Variants in CALD1 observed in about 807,000 individuals in gnomAD.
The protein encoded by CALD1 is caldesmon 1, also known as caldesmon.
Under a neutral mutation model 99.9 loss-of-function variants are expected in CALD1, and 33 were observed. The ratio of observed to expected loss-of-function variants is 0.33; its 90% confidence interval spans 0.25 to 0.44. The LOEUF is 0.44. Ranked by LOEUF, CALD1 falls within the 20% of genes least tolerant of loss-of-function variation. CALD1 has a pLI of 1.00. For synonymous variants in CALD1, 310 were observed against 325.0 expected, an observed-to-expected ratio of 0.95 and a Z score of 0.50; for missense variants, 861 against 962.1, an observed-to-expected ratio of 0.89 and a Z score of 1.39.
intron 13 of CALD1, among the ~76,000 whole-genome samples, chr7:134,964,270 G>A (rs990579479): frequency 2.0e-5 from 3 of 152,210 alleles, no homozygotes; most frequent in Admixed American, 6.5e-5. Flanking sequence ...TGATTCCAGA[G>A]CAAGTTGTTT....
the CALD1 span, among the ~76,000 whole-genome samples, chr7:134,732,976 A>T: frequency 6.6e-6 from 1 of 152,194 alleles, no homozygotes; most frequent in Admixed American, 6.5e-5. Context: ...ATCTCCTAGC[A>T]TTCTGGAACT....
chr7:134,933,696 A>G lies in CALD1; in HGVS notation c.927A>G (p.Arg309=), dbSNP rs776165758. 6.3e-7 allele frequency: 1 copy of G among 1,578,464 alleles called. No homozygotes were observed. The highest frequency in any genetic ancestry group is 1.2e-5 in the South Asian group (1 of 86,698). The change falls in exon 5 of 15, where the codon AGA becomes AGG. Residue 309 remains arginine, a synonymous_variant. Transcript: ENST00000361675. The part of the protein sequence containing the change: ...EKAAAQERER[R]EAEERERMRE... ...CAGCTGCCCAAGAAAGAGAAAGGAG[A>G]GAGGCAGAAGAGAGGGAAAGGATGA...
intron 3 of CALD1, among the ~76,000 whole-genome samples, chr7:134,912,371 A>T (rs931466867): frequency 2.6e-5 from 4 of 152,132 alleles, no homozygotes; most frequent in African/African-American, 9.7e-5. Flanking sequence ...AACTTCATGA[A>T]ATAGACCTGT....
chr7:134,774,750 C>T (rs1047458119), upstream of CALD1, among the ~76,000 whole-genome samples: 3 of 152,214 alleles, frequency 2.0e-5, no homozygotes, highest in Admixed American at 2.0e-4. Context: ...TTCAGTTTCT[C>T]AGCTCTGTTG....
At chr7:134,893,254 T>G (rs1802333165) in intron 3 of CALD1, among the ~76,000 whole-genome samples, 1 of 152,186 alleles carries the variant, frequency 6.6e-6, no homozygotes, top group Non-Finnish European at 1.5e-5. Context: ...CCTCGGCCTC[T>G]GTCTCTCTCC....
Position 134,833,852 on chromosome 7 carries a change from G to T in CALD1, c.-129-10032G>T, listed in dbSNP as rs377452297. ...AACTGGAAATAGAATCCCAAGCGGG[G>T]CCTAACTTTTTGTCTCATGAGATAG... is the stretch of plus-strand genomic sequence containing the variant. On this transcript the variant is annotated intron_variant, in intron 1 of 14. Transcript: ENST00000361675. Among the ~76,000 whole-genome samples, 12 of 152,128 alleles carry T rather than the reference G, an allele frequency of 7.9e-5. No individual in the cohort carries two copies. In the East Asian group the frequency reaches 1.5e-3, roughly 20 times the overall value.
At chr7:134,750,024 G>C (rs922253268) in intron 1 of CALD1, among the ~76,000 whole-genome samples, 2 of 152,240 alleles carry the variant, frequency 1.3e-5, no homozygotes, top group Non-Finnish European at 2.9e-5. Context: ...CTCTGAACTT[G>C]AAAGAGTGGC....
chr7:134,919,497 T>G (rs1804456211), intron 3 of CALD1, among the ~76,000 whole-genome samples: 1 of 152,188 alleles, frequency 6.6e-6, no homozygotes, highest in South Asian at 2.1e-4. Flanking sequence ...AAGCAAATGT[T>G]GGGCTGGTGG....
At chr7:134,888,646 C>G (rs1393376465) in intron 3 of CALD1, among the ~76,000 whole-genome samples, 5 of 152,234 alleles carry the variant, frequency 3.3e-5, no homozygotes, top group Middle Eastern at 3.4e-3. Context: ...CTTCCTCTTC[C>G]CAGAGAGTGT....
At chr7:134,829,301 T>C (rs1340741219) in intron 1 of CALD1, among the ~76,000 whole-genome samples, 5 of 152,244 alleles carry the variant, frequency 3.3e-5, no homozygotes, top group African/African-American at 1.2e-4. Context: ...CTATGTCTAA[T>C]GCAACAAATT....
intron 1 of CALD1, among the ~76,000 whole-genome samples, chr7:134,804,413 A>C (rs1472057098): frequency 6.6e-6 from 1 of 152,176 alleles, no homozygotes; most frequent in Non-Finnish European, 1.5e-5. Flanking sequence ...GTAATTTGTC[A>C]ATTATTTTTC....
intron 1 of CALD1, among the ~76,000 whole-genome samples, chr7:134,811,074 G>A (rs1027865266): frequency 3.3e-5 from 5 of 152,088 alleles, no homozygotes; most frequent in African/African-American, 1.2e-4. Flanking sequence ...ACAAACCTCC[G>A]TGTATTATAT....
Position 134,933,481 on chromosome 7 carries a change from C to G in CALD1, c.712C>G (p.Pro238Ala), listed in dbSNP as rs760885081. 24 of 1,613,690 alleles carry G rather than the reference C, an allele frequency of 1.5e-5. No individual in the cohort carries two copies. In the East Asian group the frequency reaches 4.5e-4, roughly 30 times the overall value. Residue 238 changes from proline (P) to alanine (A), a missense_variant, in exon 5 of 15, where the codon CCT (proline) becomes GCT (alanine). By Grantham distance (27) the Pro-to-Ala change is conservative (BLOSUM62 -1). This residue lies in a region of CALD1 where 234 missense variants were observed against 233.1 expected (regional missense o/e 1.00). Coordinates refer to ENST00000361675, the MANE Select transcript of CALD1 (RefSeq NM_033138.4). ...LKNGQISSEE[P>A]KQEEEREQGS... is the part of the protein sequence containing the mutation. The stretch of plus-strand genomic sequence containing the variant: ...AAATGGGCAGATCAGTTCAGAAGAG[C>G]CTAAACAAGAGGAGGAGAGGGAACA...
chr7:134,953,747 C>T (rs1180505326), intron 9 of CALD1, among the ~76,000 whole-genome samples: 1 of 147,808 alleles, frequency 6.8e-6, no homozygotes. Context: ...TCTCAACGTA[C>T]CTATTTCTCT....
intron 3 of CALD1, chr7:134,920,764 C>T: frequency 2.1e-6 from 2 of 952,630 alleles, no homozygotes; most frequent in Non-Finnish European, 2.9e-6. Context: ...CAATAGCATT[C>T]ATTCTGTCAG....
At chr7:134,756,166 C>T (rs1033928314) in intron 1 of CALD1, among the ~76,000 whole-genome samples, 2 of 149,112 alleles carry the variant, frequency 1.3e-5, no homozygotes, top group Non-Finnish European at 3.0e-5. Flanking sequence ...GCTGGGATTA[C>T]AGGTGAGAGG....
At chr7:134,775,773 T>C (rs1355116120), upstream of CALD1, among the ~76,000 whole-genome samples, 2 of 152,182 alleles carry the variant, frequency 1.3e-5, no homozygotes, top group Non-Finnish European at 2.9e-5. Flanking sequence ...TATATATCTT[T>C]ACAACTTTCA....
At chr7:134,897,120 C>G (rs1802628604) in intron 3 of CALD1, among the ~76,000 whole-genome samples, 1 of 152,112 alleles carries the variant, frequency 6.6e-6, no homozygotes, top group East Asian at 1.9e-4. Context: ...ATCTGTAAAC[C>G]TCATTCATTT....
chr7:134,755,656 G>T (rs1053564860), intron 1 of CALD1, among the ~76,000 whole-genome samples: 2 of 152,182 alleles, frequency 1.3e-5, no homozygotes, highest in African/African-American at 4.8e-5. Context: ...GCCATAACTG[G>T]CAGTCAGCTT....
Sources: gnomAD v4.1 joint callset for allele counts (sites outside exome capture counted in the v4.1 genomes callset) on GRCh38, gnomAD v4.1.1 for gene constraint, gnomAD v4.1.1 regional missense constraint, MANE v1.5 for transcripts, NCBI Gene and HGNC (gene_info 2026-07-23, HGNC 2026-07-21) for gene names.